The following AOPEP variants were observed in gnomAD, a reference collection of about 807,000 sequenced individuals.
The protein encoded by AOPEP is aminopeptidase O.
Under a neutral mutation model 98.1 loss-of-function variants are expected in AOPEP, and 77 were observed. The observed-to-expected ratio is 0.78, with a 90% CI of 0.65 to 0.95. AOPEP has a LOEUF of 0.95. Ranked by LOEUF, AOPEP falls within the 40% of genes least tolerant of loss-of-function variation. The pLI, the probability that AOPEP is intolerant of heterozygous loss-of-function variation, is 0.00. For missense variants in AOPEP, 1,024 were observed against 1,024.7 expected, an observed-to-expected ratio of 1.00 and a Z score of 0.01; for synonymous variants, 346 against 365.3, an observed-to-expected ratio of 0.95 and a Z score of 0.60.
chr9:94,743,263 G>C (rs1364608920), intron 1 of AOPEP, among the ~76,000 whole-genome samples: 2 of 151,828 alleles, frequency 1.3e-5, no homozygotes, highest in Non-Finnish European at 2.9e-5. Flanking sequence ...GGAAGAAGAA[G>C]AAGAAGAAGA....
chr9:95,087,426 T>C (rs1457285996), downstream of AOPEP, among the ~76,000 whole-genome samples: 2 of 123,956 alleles, frequency 1.6e-5, no homozygotes, highest in Non-Finnish European at 3.1e-5. Flanking sequence ...GCAGTTGCAG[T>C]GAGCCGAGAT....
the AOPEP span, among the ~76,000 whole-genome samples, chr9:95,129,631 T>G: frequency 1.3e-5 from 2 of 152,270 alleles, no homozygotes; most frequent in Non-Finnish European, 2.9e-5. Flanking sequence ...CTGTTTGTTT[T>G]TCTCCATCCT....
At chr9:94,800,735 AT>A in intron 4 of AOPEP, 21 bp from the exon 5 acceptor site, 1 of 1,611,276 alleles carries the variant, frequency 6.2e-7, no homozygotes, top group East Asian at 2.2e-5. Flanking sequence ...ATGTTTTACC[AT>A]TTATTTTGTG....
At chr9:94,748,552 TA>T (rs1316139135) in intron 1 of AOPEP, among the ~76,000 whole-genome samples, 1 of 152,230 alleles carries the variant, frequency 6.6e-6, no homozygotes, top group African/African-American at 2.4e-5. Flanking sequence ...TTTATTAAAC[TA>T]AAAATGTAGC....
chr9:94,985,444 T>A (rs2060462206), intron 11 of AOPEP, among the ~76,000 whole-genome samples: 1 of 152,234 alleles, frequency 6.6e-6, no homozygotes, highest in Non-Finnish European at 1.5e-5. Context: ...GATGTGCTTT[T>A]AGCACAGAGA....
At position 94,765,137 on chromosome 9, in the gene AOPEP, T is replaced by A. The variant is rs1275852940; in HGVS notation, c.797+4557T>A. ...GCACCACGCCCAGCTAATTTTTGTATTTTTTTGTAGAGACAGGGTTTTGCT... is the reference window on the plus strand; with the variant it reads ...GCACCACGCCCAGCTAATTTTTGTAATTTTTTGTAGAGACAGGGTTTTGCT... On this transcript the variant is annotated intron_variant, in intron 2 of 16. Transcript: ENST00000375315. 4.6e-5 allele frequency among the ~76,000 whole-genome samples: 7 copies of A among 152,020 alleles called. No homozygotes were observed. The East Asian group carries it at 1.4e-3, about 30-fold the overall frequency.
intron 1 of AOPEP, among the ~76,000 whole-genome samples, chr9:94,759,386 A>G (rs1361977668): frequency 6.6e-6 from 1 of 152,210 alleles, no homozygotes; most frequent in African/African-American, 2.4e-5. Flanking sequence ...TGTTTTCTAA[A>G]AGAAGGACAG....
intron 13 of AOPEP, among the ~76,000 whole-genome samples, chr9:95,009,786 T>C (rs1314694452): frequency 6.6e-6 from 1 of 152,094 alleles, no homozygotes; most frequent in Non-Finnish European, 1.5e-5. Context: ...AGTGTTCCAA[T>C]TGTTAAAAAT....
At chr9:95,075,801 C>T (rs12238780) in intron 14 of AOPEP, among the ~76,000 whole-genome samples, 10,013 of 152,186 alleles carry the variant, frequency 0.066, 461 homozygotes, top group Middle Eastern at 0.14. Flanking sequence ...GCCAGAGGAT[C>T]GCTTGAGCCT....
intron 1 of AOPEP, among the ~76,000 whole-genome samples, chr9:94,743,494 T>TG (rs1201469958): frequency 6.6e-6 from 1 of 152,226 alleles, no homozygotes; most frequent in Non-Finnish European, 1.5e-5. Context: ...TAGAAAAGGT[T>TG]ATAACCTTCT....
chr9:94,986,008 T>A (rs1468396611), intron 11 of AOPEP, among the ~76,000 whole-genome samples: 1 of 152,252 alleles, frequency 6.6e-6, no homozygotes, highest in Non-Finnish European at 1.5e-5. Context: ...ATTTTTGGCA[T>A]CTAAGGCTTT....
rs772703145 is a variant in AOPEP at position 94,773,068 on chromosome 9, C to A, written c.864C>A (p.Pro288=). 6.2e-7 allele frequency: 1 copy of A among 1,614,046 alleles called. No individual in the cohort carries two copies. Among genetic ancestry groups the A allele is most frequent in the South Asian group, 1.1e-5 (1 of 91,082 alleles). Residue 288 remains proline (P), a synonymous_variant, in exon 3 of 17, where the codon CCC becomes CCA. Coordinates refer to ENST00000375315, the MANE Select transcript of AOPEP (RefSeq NM_001193329.3). ...CCCTTTTTCCATGCCAGGAGCCACCCGTTGCCATGTCAACATGGCAGGCTA... is the reference window on the plus strand; with the variant it reads ...CCCTTTTTCCATGCCAGGAGCCACCAGTTGCCATGTCAACATGGCAGGCTA... ...NRALFPCQEP[P]VAMSTWQATV...
intron 9 of AOPEP, among the ~76,000 whole-genome samples, chr9:94,966,145 C>T (rs891787989): frequency 1.4e-4 from 21 of 149,898 alleles, no homozygotes; most frequent in Non-Finnish European, 2.4e-4. Flanking sequence ...AGGCTTCGGT[C>T]TGCAGTTCAC....
rs116062196 is a variant in AOPEP at position 94,930,745 on chromosome 9, G to T, written c.1661+2214G>T. On this transcript the variant is annotated intron_variant, in intron 7 of 16. Transcript: ENST00000375315. The surrounding 1 kb of genome is among the most constrained non-coding windows in gnomAD (Gnocchi z 4.5). ...AAAGAGAGAGAAGTGGGACTACATG[G>T]GTGATGGAGAAGGAAGTCAGGCTGA... Among the ~76,000 whole-genome samples, 2,134 of 152,234 alleles carry T rather than the reference G, an allele frequency of 0.014. 61 individuals carry two copies. The highest frequency in any genetic ancestry group is 0.048 in the African/African-American group (2,011 of 41,536).
intron 5 of AOPEP, among the ~76,000 whole-genome samples, chr9:94,840,540 G>A (rs946494668): frequency 6.6e-6 from 1 of 152,150 alleles, no homozygotes; most frequent in African/African-American, 2.4e-5. Flanking sequence ...CCTTCTAGAA[G>A]AGAATGTTTT....
downstream of AOPEP, among the ~76,000 whole-genome samples, chr9:95,091,738 C>T (rs1034844453): frequency 6.6e-6 from 1 of 152,186 alleles, no homozygotes; most frequent in African/African-American, 2.4e-5. Flanking sequence ...AGACTGATCA[C>T]CCGATAGGCA....
chr9:94,983,919 A>G (rs560357892), intron 11 of AOPEP, among the ~76,000 whole-genome samples: 1 of 138,344 alleles, frequency 7.2e-6, no homozygotes, highest in East Asian at 2.2e-4. Context: ...TGTGGTGCTT[A>G]TCTCTTTTGG....
At chr9:95,147,123 A>AT in the AOPEP span, among the ~76,000 whole-genome samples, 1 of 151,868 alleles carries the variant, frequency 6.6e-6, no homozygotes, top group Non-Finnish European at 1.5e-5. Context: ...GAAAAGTAAC[A>AT]TTTATTTATG....
the AOPEP span, chr9:95,107,398 G>C: frequency 1.0e-6 from 1 of 988,302 alleles, no homozygotes; most frequent in African/African-American, 1.6e-5. Flanking sequence ...GAGGGAGCTA[G>C]GCAGCGGCCG....
Sources: gnomAD v4.1 joint callset for allele counts (sites outside exome capture counted in the v4.1 genomes callset) on GRCh38, gnomAD v4.1.1 for gene constraint, Gnocchi (gnomAD v3.1) non-coding constraint, MANE v1.5 for transcripts, NCBI Gene and HGNC (gene_info 2026-07-23, HGNC 2026-07-21) for gene names.